The following ITGAE variants were observed in gnomAD, a reference collection of about 807,000 sequenced individuals.
The protein encoded by ITGAE is integrin alpha-E.
Under a neutral mutation model 136.5 loss-of-function variants are expected in ITGAE, and 99 were observed. The ratio of observed to expected loss-of-function variants is 0.73; its 90% CI spans 0.62 to 0.86. ITGAE has a LOEUF of 0.86. Ranked by LOEUF, ITGAE falls within the 40% of genes least tolerant of loss-of-function variation. The pLI, the probability that ITGAE is intolerant of heterozygous loss-of-function variation, is 0.00. For missense variants in ITGAE, 1,447 were observed against 1,515.3 expected, an observed-to-expected ratio of 0.95 and a Z score of 0.75; for synonymous variants, 613 against 591.8, an observed-to-expected ratio of 1.04 and a Z score of -0.52.
chr17:3,724,225 C>T, intron 26 of ITGAE: 1 of 1,593,626 alleles, frequency 6.3e-7, no homozygotes, highest in Non-Finnish European at 8.5e-7. Context: ...CTGACCGTGA[C>T]CCCAAAGCGC....
At chr17:3,735,193 G>A (rs1044173836) in intron 20 of ITGAE, among the ~76,000 whole-genome samples, 3 of 152,064 alleles carry the variant, frequency 2.0e-5, no homozygotes, top group African/African-American at 4.8e-5. Flanking sequence ...TTGAGACGGA[G>A]TTTCGTTCTT....
intron 1 of ITGAE, among the ~76,000 whole-genome samples, chr17:3,795,627 C>T (rs2053047319): frequency 1.3e-5 from 2 of 152,218 alleles, no homozygotes; most frequent in Admixed American, 6.5e-5. Context: ...AGAGAGAGGC[C>T]AGGGTCACAA....
chr17:3,743,504 G>C lies in ITGAE; in HGVS notation c.2433C>G (p.Pro811=). ...GTAGAGTCACCTGGAAGATGGCAAA[G>C]GGCTCAGTGTAGCGGTCCAGGATGG... ...PQPILDRYTE[P]FAIFQLPYEK... is the part of the protein sequence containing the mutation. The change falls in exon 19 of 31, where the codon CCC becomes CCG. Residue 811 remains proline (P), a synonymous_variant. Coordinates refer to ENST00000263087, the MANE Select transcript of ITGAE (RefSeq NM_002208.5). The C allele has an allele frequency of 1.3e-6, 2 of 1,598,662 alleles. No individual in the cohort carries two copies. Among genetic ancestry groups the C allele is most frequent in the Non-Finnish European group, 1.7e-6 (2 of 1,174,546 alleles).
intron 26 of ITGAE, chr17:3,724,314 A>G (rs1405403700): frequency 6.3e-7 from 1 of 1,588,118 alleles, no homozygotes. Flanking sequence ...GCAGAAGTGC[A>G]GCACACCCTG....
In ITGAE at chr17:3,757,088, A is replaced by C; in HGVS notation, c.1067T>G (p.Leu356Arg). The C allele has an allele frequency of 6.2e-7, 1 of 1,614,188 alleles. No homozygotes were observed. The highest frequency in any genetic ancestry group is 8.5e-7 in the Non-Finnish European group (1 of 1,180,018). Residue 356 changes from leucine (L) to arginine (R), a missense_variant, in exon 10 of 31, where the codon CTG (leucine) becomes CGG (arginine). Transcript: ENST00000263087. ...KSARTARELN[L>R]IASDPDETHA... is the part of the protein sequence containing the mutation. ...GGTCTCATCCGGGTCTGAGGCGATC[A>C]GGTTCAGTTCCCTCGCAGTCCTAGC...
rs1420804623 is a variant in ITGAE at position 3,799,836 on chromosome 17, A to G, written c.34+1275T>C. ...CTATTCTGATGTTTTTGAAATATAAAATATTAGGCCGGGCAAGGTGGCTCA... is the reference window on the plus strand; with the variant it reads ...CTATTCTGATGTTTTTGAAATATAAGATATTAGGCCGGGCAAGGTGGCTCA... On this transcript the variant is annotated intron_variant, in intron 1 of 30. Coordinates refer to ENST00000263087, the MANE Select transcript of ITGAE (RefSeq NM_002208.5). This position sits in a 1 kb window ranked among gnomAD's most constrained non-coding sequence, Gnocchi z 4.1. Among the ~76,000 whole-genome samples the G allele has an allele frequency of 6.6e-6, 1 of 152,196 alleles. No individual in the cohort carries two copies. Among genetic ancestry groups the G allele is most frequent in the Non-Finnish European group, 1.5e-5 (1 of 68,026 alleles).
intron 2 of ITGAE, among the ~76,000 whole-genome samples, chr17:3,768,761 T>C (rs570556367): frequency 2.0e-5 from 3 of 152,346 alleles, no homozygotes; most frequent in African/African-American, 7.2e-5. Context: ...CATCATCTGA[T>C]AGTGCCTATT....
chr17:3,724,166 GCGGCGGCGGAGGCGTCC>G, intron 26 of ITGAE: 1 of 1,593,650 alleles, frequency 6.3e-7, no homozygotes, highest in Non-Finnish European at 8.5e-7. Flanking sequence ...GCCCGGTGAG[GCGGCGGCGGAGGCGTCC>G]CGGCGGCCGA....
chr17:3,759,589 G>A (rs1360581460), intron 7 of ITGAE, 36 bp from the exon 8 acceptor site: 1 of 1,594,200 alleles, frequency 6.3e-7, no homozygotes, highest in Admixed American at 1.7e-5. Context: ...GAGGTTGGAA[G>A]AATTGCCACC....
intron 1 of ITGAE, among the ~76,000 whole-genome samples, chr17:3,790,372 T>C (rs2052908108): frequency 1.3e-5 from 2 of 151,936 alleles, no homozygotes; most frequent in South Asian, 4.1e-4. Context: ...CTGGGCGTAG[T>C]GGCGCATGCC....
At chr17:3,723,430 G>A (rs1396786160) in intron 27 of ITGAE, 47 bp from the exon 28 acceptor site, 14 of 1,400,184 alleles carry the variant, frequency 1.0e-5, no homozygotes, top group Admixed American at 3.3e-5. Context: ...CGTGCGGAAA[G>A]TCTGAAATCT....
chr17:3,759,168 C>A (rs903286114), intron 8 of ITGAE, among the ~76,000 whole-genome samples: 10 of 151,980 alleles, frequency 6.6e-5, no homozygotes, highest in Non-Finnish European at 1.0e-4. Context: ...AGATTTGAAC[C>A]CAGCCAGCCT....
chr17:3,755,880 G>A lies in ITGAE; in HGVS notation c.1189C>T (p.Leu397Phe). The A allele has an allele frequency of 6.3e-7, 1 of 1,599,392 alleles. No individual in the cohort carries two copies. The highest frequency in any genetic ancestry group is 8.5e-7 in the Non-Finnish European group (1 of 1,173,192). The part of the protein sequence containing the change: ...ISMEGTVGDA[L>F]HYQLAQIGFS... ...CCAATCTGTGCCAGCTGGTAGTGAA[G>A]GGCGTCTCCAACCGTGCCTGCAAGC... Residue 397 changes from leucine (L) to phenylalanine (F), a missense_variant, in exon 11 of 31, where the codon CTT (leucine) becomes TTT (phenylalanine). Transcript: ENST00000263087.
chr17:3,767,872 C>T (rs1008084303), intron 2 of ITGAE, among the ~76,000 whole-genome samples: 3 of 152,192 alleles, frequency 2.0e-5, no homozygotes, highest in African/African-American at 7.2e-5. Flanking sequence ...CCTTGGTCTT[C>T]CAAAGTGTCA....
intron 20 of ITGAE, among the ~76,000 whole-genome samples, chr17:3,736,159 A>T (rs1039638957): frequency 4.6e-5 from 7 of 151,994 alleles, no homozygotes; most frequent in Middle Eastern, 6.8e-3. Flanking sequence ...AGAAAAAAAA[A>T]ATTAGCCAGG....
chr17:3,753,881 T>G lies in ITGAE; in HGVS notation c.1429A>C (p.Ile477Leu). 1 of 1,613,822 alleles carries G rather than the reference T, an allele frequency of 6.2e-7. No individual in the cohort carries two copies. The highest frequency in any genetic ancestry group is 8.5e-7 in the Non-Finnish European group (1 of 1,179,890). Residue 477 changes from isoleucine to leucine, a missense_variant, in exon 13 of 31, where the codon ATC (isoleucine) becomes CTC (leucine). By Grantham distance (5) the Ile-to-Leu change is conservative. This residue lies in a region of ITGAE where 1,031 missense variants were observed against 1,011.4 expected (regional missense o/e 1.02). Coordinates refer to ENST00000263087, the MANE Select transcript of ITGAE (RefSeq NM_002208.5). ...TGTTTGTACCGTGGAGCCCCCGCGA[T>G]GTAGGAGAGGCTGCAGGTCTTGTGC... ...VLHKTCSLSY[I>L]AGAPRYKHHG...
intron 1 of ITGAE, among the ~76,000 whole-genome samples, chr17:3,783,218 G>T (rs35484718): frequency 2.0e-4 from 31 of 152,264 alleles, no homozygotes; most frequent in South Asian, 4.1e-4. Flanking sequence ...TTGGCTCACC[G>T]CAACCTCTGG....
Position 3,747,976 on chromosome 17 carries a change from C to T in ITGAE, c.2101G>A (p.Val701Met), listed in dbSNP as rs781257261. The T allele has an allele frequency of 1.1e-5, 18 of 1,612,948 alleles. No individual in the cohort carries two copies. Among genetic ancestry groups the T allele is most frequent in the East Asian group, 2.2e-5 (1 of 44,832 alleles). ...ATTTCAAAACATAAACGGACATTCA[C>T]GACGCCGTTGAAGCCGATGGGCAGT... ...SALPIGFNGVVNVRLCFEISS... is the reference protein window; with the variant it reads ...SALPIGFNGVMNVRLCFEISS... Residue 701 changes from valine (V) to methionine (M), a missense_variant, in exon 17 of 31, where the codon GTG (valine) becomes ATG (methionine). Around this residue, in one of 3 missense-constraint regions of ITGAE, gnomAD observed 1,031 missense variants for 1,011.4 expected, o/e 1.02. Transcript: ENST00000263087.
At position 3,745,933 on chromosome 17, in the gene ITGAE, A is replaced by C. The variant is rs2051702667; in HGVS notation, c.2156-6T>G. On this transcript the variant is annotated splice_region_variant and splice_polypyrimidine_tract_variant and intron_variant, in intron 17 of 30. Transcript: ENST00000263087. ...GAGAAGTGCCTCGCGGAGGCCTGGGAATGAAGACCAGACCTTCCCGATGAG... is the reference window on the plus strand; with the variant it reads ...GAGAAGTGCCTCGCGGAGGCCTGGGCATGAAGACCAGACCTTCCCGATGAG... 1.2e-6 allele frequency: 2 copies of C among 1,612,630 alleles called. No individual in the cohort carries two copies. Among genetic ancestry groups the C allele is most frequent in the Non-Finnish European group, 1.7e-6 (2 of 1,179,462 alleles).
Sources: allele counts gnomAD v4.1 joint callset (sites outside exome capture counted in the v4.1 genomes callset), GRCh38; gene constraint gnomAD v4.1.1; regional missense constraint gnomAD v4.1.1; non-coding constraint Gnocchi (gnomAD v3.1); transcripts MANE v1.5; gene names NCBI Gene and HGNC (gene_info 2026-07-23, HGNC 2026-07-21).